The following SYMPK variants were observed in gnomAD, a reference collection of about 807,000 sequenced individuals.
SYMPK encodes symplekin scaffold protein, also known as symplekin.
SYMPK carries 49 observed loss-of-function variants against 136.4 expected under a neutral mutation model. That is an observed-to-expected ratio of 0.36 (90% CI 0.29 to 0.46). The LOEUF is 0.46. SYMPK is among the 20% of genes least tolerant of loss of function. The pLI is 1.00. For synonymous variants in SYMPK, 766 were observed against 713.0 expected (o/e 1.07, Z -1.19); for missense variants, 1,365 against 1,690.0 (o/e 0.81, Z 3.37).
At position 45,821,016 on chromosome 19, in the gene SYMPK, G is replaced by C. The variant is rs1600491984; in HGVS notation, c.2893+368C>G. 5.0e-6 allele frequency: 3 copies of C among 603,018 alleles called. No individual in the cohort carries two copies. Among genetic ancestry groups the C allele is most frequent in the East Asian group, 5.6e-5 (2 of 35,692 alleles). The allele number at this position is 603,018 out of a possible 1,614,324, so 37.4% of individuals were successfully genotyped here. A position where few individuals can be genotyped will look rare whatever the true frequency, so the allele number is the denominator to read the frequency against. On this transcript the variant is annotated intron_variant, in intron 22 of 26. Transcript: ENST00000245934. This position sits in a 1 kb window ranked among gnomAD's most constrained non-coding sequence, Gnocchi z 4.4. Reference sequence around the variant, plus strand: ...ACAAGTGCCCTGGAGCCCTGGGTCTGCCCTGCTGCTGCGCCTCTACCACTC... The same window carrying C: ...ACAAGTGCCCTGGAGCCCTGGGTCTCCCCTGCTGCTGCGCCTCTACCACTC...
chr19:45,849,466 T>C (rs186673805), intron 5 of SYMPK, among the ~76,000 whole-genome samples: 6 of 152,216 alleles, frequency 3.9e-5, no homozygotes, highest in African/African-American at 1.4e-4. Context: ...GTTCAATGAA[T>C]AAATAGGAGC....
In SYMPK at chr19:45,821,410, T is replaced by C. The variant is rs1292762623; in HGVS notation, c.2867A>G (p.Lys956Arg). 1 of 1,614,050 alleles carries C rather than the reference T, an allele frequency of 6.2e-7. No homozygotes were observed. Among genetic ancestry groups the C allele is most frequent in the Non-Finnish European group, 8.5e-7 (1 of 1,179,982 alleles). ...LIALHNIDSV[K>R]CDMKSIIKAT... ...TTTGATGATGGATTTCATGTCGCAC[T>C]TCACGGAGTCAATGTTGTGTAATGC... The change falls in exon 22 of 27, where the codon AAG becomes AGG. Residue 956 changes from lysine (K) to arginine (R), a missense_variant. By Grantham distance (26) the Lys-to-Arg change is conservative. This residue lies in a region of SYMPK where 156 missense variants were observed against 217.8 expected (regional missense o/e 0.72). Transcript: ENST00000245934. This position sits in a 1 kb window ranked among gnomAD's most constrained non-coding sequence, Gnocchi z 4.4.
chr19:45,828,810 G>A (rs534172409), intron 14 of SYMPK, 160 bp downstream of exon 14: 7 of 668,410 alleles, frequency 1.0e-5, no homozygotes, highest in South Asian at 7.6e-5. Flanking sequence ...AACCTTGAAC[G>A]TGCCTCCAGA....
rs1438559258 is a variant in SYMPK, at chr19:45,847,858, G to A, written c.570C>T (p.Leu190=). Residue 190 remains leucine, a synonymous_variant, in exon 7 of 27, where the codon CTC becomes CTT. Transcript: ENST00000245934. ...RTHAIKFVEG[L]IVTLSPRMAD... ...CCATGCGGGGTGACAGGGTGACAAT[G>A]AGGCCCTCCACAAACTTGATGGCGT... The A allele has an allele frequency of 3.7e-6, 6 of 1,614,058 alleles. No individual in the cohort carries two copies. In the South Asian group the frequency reaches 4.4e-5, roughly 12 times the overall value.
intron 11 of SYMPK, 48 bp downstream of exon 11, chr19:45,835,030 G>C: frequency 6.9e-7 from 1 of 1,457,678 alleles, no homozygotes. Flanking sequence ...GAACCCAGAA[G>C]CCACAAGTGC....
intron 8 of SYMPK, among the ~76,000 whole-genome samples, chr19:45,843,705 A>G (rs1304290398): frequency 6.6e-6 from 1 of 151,924 alleles, no homozygotes; most frequent in Non-Finnish European, 1.5e-5. Context: ...CCAGCACTTT[A>G]GGAGGCCGAG....
intron 11 of SYMPK, among the ~76,000 whole-genome samples, chr19:45,834,203 G>T (rs1332517644): frequency 1.3e-5 from 2 of 150,664 alleles, no homozygotes; most frequent in Non-Finnish European, 3.0e-5. Context: ...CAGGAGAATG[G>T]CGTGAACCCG....
intron 3 of SYMPK, among the ~76,000 whole-genome samples, chr19:45,853,654 G>C (rs1600530427): frequency 6.6e-6 from 1 of 151,710 alleles, no homozygotes; most frequent in East Asian, 1.9e-4. Flanking sequence ...CTCTCATTTG[G>C]TACACTTCTC....
rs1267482973 is a variant in SYMPK at position 45,826,213 on chromosome 19, AC to A, written c.2329+12del. On this transcript the variant is annotated intron_variant, in intron 17 of 26. Transcript: ENST00000245934. ...AGCAGCGCTCAGTATGCATCTGATG[AC>A]CTGTGCCCAACCTGTGTCCTTGTCA... 6.2e-7 allele frequency: 1 copy of A among 1,607,724 alleles called. No homozygotes were observed. Among genetic ancestry groups the A allele is most frequent in the Admixed American group, 1.7e-5 (1 of 59,122 alleles).
chr19:45,848,891 A>T lies in SYMPK; in HGVS notation c.300-15T>A. The T allele has an allele frequency of 6.2e-7, 1 of 1,613,838 alleles. No individual in the cohort carries two copies. Among genetic ancestry groups the T allele is most frequent in the Non-Finnish European group, 8.5e-7 (1 of 1,179,970 alleles). ...TGTCTCGCTTGCTGAGGGATGGAGA[A>T]AAAAGGGGCGAGGTCAAGGTGTGGT... On this transcript the variant is annotated splice_polypyrimidine_tract_variant and intron_variant, in intron 5 of 26. Transcript: ENST00000245934.
At chr19:45,858,368 C>G (rs1431860551) in intron 1 of SYMPK, among the ~76,000 whole-genome samples, 1 of 152,118 alleles carries the variant, frequency 6.6e-6, no homozygotes, top group Non-Finnish European at 1.5e-5. Context: ...GTGAACATGC[C>G]CAACATGCCC....
At chr19:45,836,717 C>T (rs1162317915) in intron 10 of SYMPK, among the ~76,000 whole-genome samples, 1 of 152,076 alleles carries the variant, frequency 6.6e-6, no homozygotes, top group African/African-American at 2.4e-5. Context: ...GAGTTCACTA[C>T]AGCCTCAAAT....
At chr19:45,823,741 T>C (rs1970965031) in intron 19 of SYMPK, 26 bp downstream of exon 19, 2 of 1,594,708 alleles carry the variant, frequency 1.3e-6, no homozygotes, top group East Asian at 2.2e-5. Context: ...AGGAAAGCCA[T>C]GAAAGGTGGG....
intron 18 of SYMPK, 115 bp from the exon 19 acceptor site, chr19:45,823,990 A>G: frequency 1.6e-6 from 1 of 637,242 alleles, no homozygotes; most frequent in South Asian, 1.6e-5. Flanking sequence ...GACTGAGGTG[A>G]CAGGGTTTGG....
chr19:45,817,842 G>A, intron 23 of SYMPK, 117 bp downstream of exon 23: 1 of 1,089,150 alleles, frequency 9.2e-7, no homozygotes, highest in East Asian at 2.6e-5. Flanking sequence ...AGGAGGCAGA[G>A]CAGAGCCTGC....
intron 18 of SYMPK, 61 bp downstream of exon 18, chr19:45,825,110 G>A: frequency 6.4e-7 from 1 of 1,569,620 alleles, no homozygotes; most frequent in Non-Finnish European, 8.6e-7. Context: ...GGGAAGAGCT[G>A]GAGCTGGGGA....
In SYMPK at chr19:45,821,921, G is replaced by A. The variant is rs531352084; in HGVS notation, c.2792-436C>T. Among the ~76,000 whole-genome samples, 2 of 152,184 alleles carry A rather than the reference G, an allele frequency of 1.3e-5. No individual in the cohort carries two copies. The highest frequency in any genetic ancestry group is 3.9e-4 in the East Asian group (2 of 5,180). On this transcript the variant is annotated intron_variant, in intron 21 of 26. Transcript: ENST00000245934. This position sits in a 1 kb window ranked among gnomAD's most constrained non-coding sequence, Gnocchi z 4.4. ...TGGAGCCTTCTGCTGTGTGGGGCCT[G>A]GGGGAGTGGAGGGGAGGCTGGTGGA...
At chr19:45,827,472 C>A in intron 16 of SYMPK, 38 bp downstream of exon 16, 2 of 1,528,192 alleles carry the variant, frequency 1.3e-6, no homozygotes, top group Non-Finnish European at 1.8e-6. Context: ...CTGCAAGCTG[C>A]AGGCTGAGGG....
rs1970956273 is a variant in SYMPK at position 45,823,375 on chromosome 19, C to T, written c.2697G>A (p.Glu899=). 6.2e-7 allele frequency: 1 copy of T among 1,613,990 alleles called. No individual in the cohort carries two copies. Among genetic ancestry groups the T allele is most frequent in the African/African-American group, 1.3e-5 (1 of 75,058 alleles). ...AAACAGGCCTCCAGCTCCATACCTT[C>T]TCCAGCCCATTGAGCACCGGGATGA... ...RFLIPVLNGL[E]KKEVIQALPK... The change falls in exon 20 of 27, where the codon GAG becomes GAA. Residue 899 remains glutamate, a synonymous_variant. Coordinates refer to ENST00000245934, the MANE Select transcript of SYMPK (RefSeq NM_004819.3).
Sources: gnomAD v4.1 joint callset for allele counts (sites outside exome capture counted in the v4.1 genomes callset) on GRCh38, gnomAD v4.1.1 for gene constraint, gnomAD v4.1.1 regional missense constraint, Gnocchi (gnomAD v3.1) non-coding constraint, MANE v1.5 for transcripts, NCBI Gene and HGNC (gene_info 2026-07-23, HGNC 2026-07-21) for gene names.